Variants in CPXM2 observed in about 807,000 individuals in gnomAD.
CPXM2 encodes carboxypeptidase X, M14 family member 2.
Under a neutral mutation model 86.1 loss-of-function variants are expected in CPXM2, and 66 were observed. The ratio of observed to expected loss-of-function variants is 0.77; its 90% confidence interval spans 0.63 to 0.94. CPXM2 has a LOEUF of 0.94. Among genes scored for constraint, CPXM2 ranks in the 40% least tolerant of loss-of-function variants. CPXM2 has a pLI of 0.00. For synonymous variants in CPXM2, 388 were observed against 400.2 expected (o/e 0.97, Z 0.36); for missense variants, 948 against 1,026.3 (o/e 0.92, Z 1.04).
intron 4 of CPXM2, among the ~76,000 whole-genome samples, chr10:123,842,070 G>T (rs17106112): frequency 0.019 from 2,930 of 152,244 alleles, 41 homozygotes; most frequent in South Asian, 0.045. Context: ...TGCCTAAACC[G>T]CCTGGATTTC....
chr10:123,751,835 T>A lies in CPXM2; in HGVS notation c.2017+2828A>T, dbSNP rs1303395993. Reference sequence around the variant, plus strand: ...TGTAAAGTATGGAGTTTATCTGTCATGAGAATACACTGGGAAATTATTTAT... The same window carrying A: ...TGTAAAGTATGGAGTTTATCTGTCAAGAGAATACACTGGGAAATTATTTAT... On this transcript the variant is annotated intron_variant, in intron 13 of 13. Transcript: ENST00000241305. 8.1e-6 allele frequency: 8 copies of A among 985,226 alleles called. No individual in the cohort carries two copies. In the South Asian group the frequency reaches 2.3e-4, roughly 29 times the overall value. The allele number at this position is 985,226 out of a possible 1,614,324, so 61.0% of individuals were successfully genotyped here.
chr10:123,788,803 T>C (rs11812544), intron 6 of CPXM2, among the ~76,000 whole-genome samples: 2,691 of 150,748 alleles, frequency 0.018, 86 homozygotes, highest in African/African-American at 0.062. Flanking sequence ...TGCACAGCAT[T>C]ATGAATGCAC....
At chr10:123,829,250 G>A (rs1289785063) in intron 4 of CPXM2, among the ~76,000 whole-genome samples, 1 of 152,218 alleles carries the variant, frequency 6.6e-6, no homozygotes, top group South Asian at 2.1e-4. Flanking sequence ...CCAGAAACTG[G>A]ATCACTCAGA....
chr10:123,891,341 C>G lies in CPXM2; in HGVS notation c.304+15G>C. Reference sequence around the variant, plus strand: ...CGGCGCCCCCTCGGGCTGCCCAGCGCAGAAAGTTCCTTACCTGGTGGAGGC... The same window carrying G: ...CGGCGCCCCCTCGGGCTGCCCAGCGGAGAAAGTTCCTTACCTGGTGGAGGC... On this transcript the variant is annotated intron_variant, in intron 1 of 13. Transcript: ENST00000241305. This position sits in a 1 kb window ranked among gnomAD's most constrained non-coding sequence, Gnocchi z 5.6. 1 of 1,510,522 alleles carries G rather than the reference C, an allele frequency of 6.6e-7. No individual in the cohort carries two copies. The highest frequency in any genetic ancestry group is 8.8e-7 in the Non-Finnish European group (1 of 1,130,992). The allele number at this position is 1,510,522 out of a possible 1,614,324, so 93.6% of individuals were successfully genotyped here. A position where few individuals can be genotyped will look rare whatever the true frequency, so the allele number is the denominator to read the frequency against.
chr10:123,907,161 G>A (rs1189572727), intron 2 of CPXM2, among the ~76,000 whole-genome samples: 2 of 152,144 alleles, frequency 1.3e-5, no homozygotes, highest in African/African-American at 2.4e-5. Flanking sequence ...CTGCCACAGC[G>A]GTGTGGTAGA....
intron 1 of CPXM2, among the ~76,000 whole-genome samples, chr10:123,884,664 A>G (rs1353873052): frequency 6.6e-6 from 1 of 152,126 alleles, no homozygotes; most frequent in Non-Finnish European, 1.5e-5. Context: ...TTCTTACCAA[A>G]ACTAGACCAA....
intron 2 of CPXM2, among the ~76,000 whole-genome samples, chr10:123,922,467 C>G (rs1047451950): frequency 5.3e-5 from 8 of 152,186 alleles, no homozygotes; most frequent in Non-Finnish European, 1.0e-4. Flanking sequence ...TCTTGGATAT[C>G]TGTGCTTTAG....
At chr10:123,912,556 G>A (rs955597701) in intron 2 of CPXM2, among the ~76,000 whole-genome samples, 1 of 152,226 alleles carries the variant, frequency 6.6e-6, no homozygotes, top group Non-Finnish European at 1.5e-5. Context: ...TGGTGGCCAG[G>A]GCTTGTTTCC....
intron 2 of CPXM2, among the ~76,000 whole-genome samples, chr10:123,917,716 T>C (rs1945545105): frequency 6.6e-6 from 1 of 152,252 alleles, no homozygotes; most frequent in Admixed American, 6.5e-5. Context: ...TGCCATACTC[T>C]AGGCACTGAG....
At chr10:123,932,290 C>A (rs943301701) in intron 2 of CPXM2, among the ~76,000 whole-genome samples, 2 of 152,174 alleles carry the variant, frequency 1.3e-5, no homozygotes, top group Non-Finnish European at 2.9e-5. Context: ...TCAGCCTCAC[C>A]TCTCATGCCA....
chr10:123,857,971 T>G (rs1430077194), intron 3 of CPXM2, among the ~76,000 whole-genome samples: 1 of 152,146 alleles, frequency 6.6e-6, no homozygotes, highest in Non-Finnish European at 1.5e-5. Context: ...GACAGTGCAC[T>G]CTGTGGCCAG....
At chr10:123,781,644 ACT>A (rs1846937607) in intron 6 of CPXM2, among the ~76,000 whole-genome samples, 1 of 152,044 alleles carries the variant, frequency 6.6e-6, no homozygotes, top group Admixed American at 6.5e-5. Flanking sequence ...GGGGCCGAAC[ACT>A]CTGTGTTATG....
Position 123,832,826 on chromosome 10 carries a change from T to TAAAAAAA in CPXM2, c.653+9516_653+9522dup, listed in dbSNP as rs537178892. Among the ~76,000 whole-genome samples the TAAAAAAA allele has an allele frequency of 3.2e-4, 43 of 133,522 alleles. 1 individual carries two copies. Among genetic ancestry groups the TAAAAAAA allele is most frequent in the East Asian group, 6.5e-4 (3 of 4,584 alleles). The allele number at this position is 133,522 out of a possible 152,430, so 87.6% of individuals were successfully genotyped here. A position where few individuals can be genotyped will look rare whatever the true frequency, so the allele number is the denominator to read the frequency against. ...TGGGCAACAAGAGCAAAACTCTGTC[T>TAAAAAAA]AAAAAAAAAAAGAAGTGGGTCTTTG... is the stretch of plus-strand genomic sequence containing the variant. On this transcript the variant is annotated intron_variant, in intron 4 of 13. Coordinates refer to ENST00000241305, the MANE Select transcript of CPXM2 (RefSeq NM_198148.3).
At chr10:123,839,773 A>T (rs1191233959) in intron 4 of CPXM2, among the ~76,000 whole-genome samples, 1 of 152,210 alleles carries the variant, frequency 6.6e-6, no homozygotes, top group African/African-American at 2.4e-5. Flanking sequence ...ATGTATCCTC[A>T]TCCCATTTCC....
chr10:123,898,086 G>GAAC (rs1945352549), intron 2 of CPXM2, among the ~76,000 whole-genome samples: 1 of 152,200 alleles, frequency 6.6e-6, no homozygotes, highest in Admixed American at 6.5e-5. Context: ...TTCTGCAAGA[G>GAAC]AACATCTCTG....
intron 8 of CPXM2, among the ~76,000 whole-genome samples, chr10:123,769,018 T>C (rs1846562894): frequency 6.6e-6 from 1 of 152,216 alleles, no homozygotes; most frequent in South Asian, 2.1e-4. Context: ...GGGCTTAACA[T>C]TCACAAGTTG....
At chr10:123,802,195 C>T (rs185253050) in intron 4 of CPXM2, among the ~76,000 whole-genome samples, 18 of 152,302 alleles carry the variant, frequency 1.2e-4, no homozygotes, top group African/African-American at 4.3e-4. Flanking sequence ...TAGGGAGCTA[C>T]CCCTCTTGAA....
intron 12 of CPXM2, among the ~76,000 whole-genome samples, chr10:123,756,065 T>C (rs1473226128): frequency 2.6e-5 from 4 of 152,162 alleles, no homozygotes; most frequent in African/African-American, 7.2e-5. Flanking sequence ...AGATGCTAAA[T>C]CCTGGTGCCA....
intron 3 of CPXM2, among the ~76,000 whole-genome samples, chr10:123,858,429 T>A (rs1352420970): frequency 5.3e-5 from 8 of 152,252 alleles, no homozygotes; most frequent in Admixed American, 5.2e-4. Context: ...AAAAGAGAGA[T>A]GTACACGGTT....
Sources: gnomAD v4.1 joint callset for allele counts (sites outside exome capture counted in the v4.1 genomes callset) on GRCh38, gnomAD v4.1.1 for gene constraint, Gnocchi (gnomAD v3.1) non-coding constraint, MANE v1.5 for transcripts, NCBI Gene and HGNC (gene_info 2026-07-23, HGNC 2026-07-21) for gene names.